ATOSA: variants seen among roughly 807,000 people sequenced by gnomAD.
ATOSA encodes atos homolog A.
At chr15:52,699,891 T>C in the ATOSA span, among the ~76,000 whole-genome samples, 1 of 152,196 alleles carries the variant, frequency 6.6e-6, no homozygotes, top group Non-Finnish European at 1.5e-5. Context: ...CTTGCCTTTG[T>C]TTCTTAGAAT....
chr15:52,631,514 C>T, the ATOSA span, among the ~76,000 whole-genome samples: 1 of 152,072 alleles, frequency 6.6e-6, no homozygotes, highest in African/African-American at 2.4e-5. Context: ...GTTCAACTTT[C>T]CAAAGGATAC....
At chr15:52,610,610 C>T in the ATOSA span, among the ~76,000 whole-genome samples, 1 of 152,200 alleles carries the variant, frequency 6.6e-6, no homozygotes, top group African/African-American at 2.4e-5. Context: ...AACACCAGAT[C>T]ACTTAAGCAT....
the ATOSA span, among the ~76,000 whole-genome samples, chr15:52,671,223 G>A: frequency 6.6e-6 from 1 of 152,120 alleles, no homozygotes; most frequent in Non-Finnish European, 1.5e-5. Flanking sequence ...GATTAATTAA[G>A]AAATATAACC....
the ATOSA span, among the ~76,000 whole-genome samples, chr15:52,589,169 C>T: frequency 6.6e-6 from 1 of 152,170 alleles, no homozygotes; most frequent in Non-Finnish European, 1.5e-5. Flanking sequence ...GCAACCCTAA[C>T]CAAAACAGCA....
At chr15:52,610,460 TA>T in the ATOSA span, 1 of 1,439,022 alleles carries the variant, frequency 6.9e-7, no homozygotes, top group Non-Finnish European at 9.3e-7. Context: ...ATTTTAAATG[TA>T]AAGCAGTCAT....
At chr15:52,597,497 C>A in the ATOSA span, among the ~76,000 whole-genome samples, 1 of 152,172 alleles carries the variant, frequency 6.6e-6, no homozygotes, top group East Asian at 1.9e-4. Flanking sequence ...ATGACACTCA[C>A]TTAAATAAAT....
At chr15:52,612,901 A>T in the ATOSA span, among the ~76,000 whole-genome samples, 1 of 152,046 alleles carries the variant, frequency 6.6e-6, no homozygotes, top group Admixed American at 6.6e-5. Context: ...ATGCTACTAC[A>T]CCAAAATATT....
chr15:52,646,729 G>A, the ATOSA span, among the ~76,000 whole-genome samples: 1 of 152,118 alleles, frequency 6.6e-6, no homozygotes, highest in Non-Finnish European at 1.5e-5. Flanking sequence ...AAATATTAAT[G>A]CTTTCATACT....
the ATOSA span, chr15:52,605,168 G>GAA: frequency 6.2e-7 from 1 of 1,610,690 alleles, no homozygotes; most frequent in Admixed American, 1.7e-5. Flanking sequence ...GTTTGAGGAT[G>GAA]AAAGGCTCTG....
chr15:52,597,797 G>C, the ATOSA span, among the ~76,000 whole-genome samples: 1 of 152,282 alleles, frequency 6.6e-6, no homozygotes, highest in East Asian at 1.9e-4. Flanking sequence ...TGGGGCATAT[G>C]TAAAATGTGA....
At chr15:52,654,599 G>A in the ATOSA span, among the ~76,000 whole-genome samples, 1 of 152,078 alleles carries the variant, frequency 6.6e-6, no homozygotes, top group African/African-American at 2.4e-5. Context: ...ACTTAGCATG[G>A]TCGTTAAGTA....
the ATOSA span, chr15:52,610,281 G>A: frequency 1.9e-6 from 3 of 1,613,984 alleles, no homozygotes; most frequent in South Asian, 3.3e-5. Context: ...ACTGAACACT[G>A]ACTTTCAAGG....
chr15:52,597,356 C>T, the ATOSA span, among the ~76,000 whole-genome samples: 1 of 152,062 alleles, frequency 6.6e-6, no homozygotes, highest in East Asian at 1.9e-4. Flanking sequence ...TTTTTAATAA[C>T]CCCGAAGTGG....
At chr15:52,583,927 A>G in the ATOSA span, among the ~76,000 whole-genome samples, 6 of 151,898 alleles carry the variant, frequency 4.0e-5, no homozygotes, top group African/African-American at 7.3e-5. Flanking sequence ...ACTTGAGTGT[A>G]CAGCTCACTG....
chr15:52,611,090 C>A, the ATOSA span: 3 of 1,543,036 alleles, frequency 1.9e-6, no homozygotes, highest in Non-Finnish European at 2.6e-6. Flanking sequence ...ACCAAGGTGG[C>A]TGAATACGCA....
At chr15:52,607,605 A>AT in the ATOSA span, among the ~76,000 whole-genome samples, 11 of 152,176 alleles carry the variant, frequency 7.2e-5, no homozygotes, top group Non-Finnish European at 1.6e-4. Flanking sequence ...TAGTTTCCTC[A>AT]TAACTGTCCT....
chr15:52,611,847 A>T, the ATOSA span: 1 of 1,427,860 alleles, frequency 7.0e-7, no homozygotes, highest in Non-Finnish European at 9.7e-7. Context: ...ATAGAAAATT[A>T]TCATTGTAAA....
chr15:52,615,712 A>C, the ATOSA span, among the ~76,000 whole-genome samples: 1 of 152,144 alleles, frequency 6.6e-6, no homozygotes. Flanking sequence ...TTGGGAGTAA[A>C]CTTTATTAAA....
the ATOSA span, chr15:52,658,766 A>C: frequency 3.3e-6 from 1 of 305,716 alleles, no homozygotes. Context: ...TGAGTTTAAG[A>C]CCAGGCTGAG....
Sources: gnomAD v4.1 joint callset for allele counts (sites outside exome capture counted in the v4.1 genomes callset) on GRCh38, gnomAD v4.1.1 for gene constraint, MANE v1.5 for transcripts, NCBI Gene and HGNC (gene_info 2026-07-23, HGNC 2026-07-21) for gene names.